Variants in HS2ST1 observed in about 807,000 individuals in gnomAD.
The protein encoded by HS2ST1 is 2-O-sulfotransferase.
HS2ST1 carries 18 observed loss-of-function variants against 42.9 expected under a neutral mutation model. That is an observed-to-expected ratio of 0.42 (90% CI 0.29 to 0.62). HS2ST1 has a LOEUF of 0.62. HS2ST1 is among the 20% of genes least tolerant of loss of function. The pLI is 0.21. For synonymous variants in HS2ST1, 146 were observed against 152.9 expected, an observed-to-expected ratio of 0.95 and a Z score of 0.33; for missense variants, 334 against 433.8, an observed-to-expected ratio of 0.77 and a Z score of 2.04.
chr1:87,068,301 C>A (rs1156697695), intron 1 of HS2ST1, among the ~76,000 whole-genome samples: 1 of 152,032 alleles, frequency 6.6e-6, no homozygotes, highest in Non-Finnish European at 1.5e-5. Context: ...AGCTGGATTC[C>A]TAGGTATTTT....
chr1:86,961,067 C>T lies in HS2ST1; in HGVS notation c.124+45907C>T, dbSNP rs139942093. 4.6e-5 allele frequency among the ~76,000 whole-genome samples: 7 copies of T among 151,716 alleles called. No homozygotes were observed. In the South Asian group the frequency reaches 1.0e-3, roughly 23 times the overall value. On this transcript the variant is annotated intron_variant, in intron 1 of 6. Coordinates refer to ENST00000370550, the MANE Select transcript of HS2ST1 (RefSeq NM_012262.4). ...ATAAACAAACTGTGGTACATCCAGA[C>T]GATGCAATATTATCTAGCCATAAAA... is the stretch of plus-strand genomic sequence containing the variant.
At chr1:87,073,332 C>T (rs1651463687) in intron 2 of HS2ST1, among the ~76,000 whole-genome samples, 160 bp downstream of exon 2, 2 of 152,158 alleles carry the variant, frequency 1.3e-5, no homozygotes, top group South Asian at 4.1e-4. Context: ...TATAATTTTA[C>T]TTGACAGTAT....
chr1:87,032,837 T>G (rs1443724729), intron 1 of HS2ST1, among the ~76,000 whole-genome samples: 2 of 152,292 alleles, frequency 1.3e-5, no homozygotes, highest in East Asian at 3.9e-4. Context: ...AATTAAAAGT[T>G]TTGAATAGGC....
chr1:86,951,251 G>C (rs1028085704), intron 1 of HS2ST1, among the ~76,000 whole-genome samples: 19 of 152,176 alleles, frequency 1.2e-4, no homozygotes, highest in African/African-American at 4.6e-4. Context: ...CTAGGCAACT[G>C]TAGGTAGACT....
chr1:86,939,228 C>T (rs1239124051), intron 1 of HS2ST1, among the ~76,000 whole-genome samples: 2 of 152,144 alleles, frequency 1.3e-5, no homozygotes, highest in African/African-American at 4.8e-5. Context: ...ACAAATGTTT[C>T]ATATCACACT....
At chr1:87,027,847 C>G (rs1650127651) in intron 1 of HS2ST1, among the ~76,000 whole-genome samples, 1 of 152,166 alleles carries the variant, frequency 6.6e-6, no homozygotes, top group African/African-American at 2.4e-5. Flanking sequence ...GGCCACCACA[C>G]CTGGCTGATT....
rs1648720087 is a variant in HS2ST1 at position 86,985,157 on chromosome 1, C to T, written c.124+69997C>T. Among the ~76,000 whole-genome samples, 4 of 150,306 alleles carry T rather than the reference C, an allele frequency of 2.7e-5. No homozygotes were observed. The Admixed American group carries it at 2.7e-4, about 10-fold the overall frequency. ...GATCACGAGGTCAGGAGATCGACAC[C>T]ATCCTGGCTAACACGGTGAAACCCC... On this transcript the variant is annotated intron_variant, in intron 1 of 6. Coordinates refer to ENST00000370550, the MANE Select transcript of HS2ST1 (RefSeq NM_012262.4).
In HS2ST1 at chr1:86,963,638, T is replaced by C. The variant is rs552763335; in HGVS notation, c.124+48478T>C. ...TTTCTATTCAACAAAACCGCCATCG[T>C]CATCATGGCCCGTTCTCAGTGAGCT... is the stretch of plus-strand genomic sequence containing the variant. On this transcript the variant is annotated intron_variant, in intron 1 of 6. Coordinates refer to ENST00000370550, the MANE Select transcript of HS2ST1 (RefSeq NM_012262.4). Among the ~76,000 whole-genome samples, 37 of 152,234 alleles carry C rather than the reference T, an allele frequency of 2.4e-4. No individual in the cohort carries two copies. In the East Asian group the frequency reaches 6.8e-3, roughly 28 times the overall value.
rs934206711 is a variant in HS2ST1 at position 86,921,340 on chromosome 1, A to G, written c.124+6180A>G. On this transcript the variant is annotated intron_variant, in intron 1 of 6. Coordinates refer to ENST00000370550, the MANE Select transcript of HS2ST1 (RefSeq NM_012262.4). ...GTATTTTGAAGTGCTGTGATTAAGT[A>G]TATGCACATTTAGGCTGTCATGTCT... 2.0e-5 allele frequency among the ~76,000 whole-genome samples: 3 copies of G among 152,282 alleles called. No homozygotes were observed. The East Asian group carries it at 5.8e-4, about 29-fold the overall frequency.
intron 5 of HS2ST1, chr1:87,098,302 C>T: frequency 7.0e-6 from 7 of 993,230 alleles, no homozygotes; most frequent in Non-Finnish European, 8.4e-6. Context: ...TAAGAAAAGG[C>T]TTAGTGGGTT....
intron 3 of HS2ST1, among the ~76,000 whole-genome samples, chr1:87,085,799 GCTTTTGCTTTTGGCAAAGT>G (rs1167338653): frequency 6.6e-6 from 1 of 152,174 alleles, no homozygotes; most frequent in Non-Finnish European, 1.5e-5. Context: ...TAAATTGAGT[GCTTTTGCTTTTGGCAAAGT>G]CTTATACTTA....
chr1:86,998,304 A>AG (rs1481839012), intron 1 of HS2ST1, among the ~76,000 whole-genome samples: 6 of 152,250 alleles, frequency 3.9e-5, no homozygotes, highest in Non-Finnish European at 8.8e-5. Flanking sequence ...AGGAACATAC[A>AG]GCATTCAGGA....
intron 1 of HS2ST1, among the ~76,000 whole-genome samples, chr1:86,972,969 A>G (rs1240036950): frequency 2.6e-5 from 4 of 152,182 alleles, no homozygotes; most frequent in African/African-American, 9.7e-5. Flanking sequence ...GGCCAGAGTT[A>G]TGCATATTTG....
At chr1:87,015,158 C>T (rs953058230) in intron 1 of HS2ST1, among the ~76,000 whole-genome samples, 1 of 152,088 alleles carries the variant, frequency 6.6e-6, no homozygotes, top group Non-Finnish European at 1.5e-5. Flanking sequence ...AAGTGATTCT[C>T]CTGCTTCAGC....
intron 1 of HS2ST1, among the ~76,000 whole-genome samples, chr1:87,022,432 G>A (rs1029577194): frequency 2.6e-5 from 4 of 152,176 alleles, no homozygotes; most frequent in African/African-American, 9.6e-5. Context: ...CACAGAGCTT[G>A]TGAGAAAAAT....
chr1:87,085,126 A>G (rs1275274904), intron 3 of HS2ST1, among the ~76,000 whole-genome samples: 1 of 152,228 alleles, frequency 6.6e-6, no homozygotes, highest in Non-Finnish European at 1.5e-5. Context: ...GGTAGTACAC[A>G]TAGTACCATT....
chr1:87,002,869 T>C (rs966625971), intron 1 of HS2ST1, among the ~76,000 whole-genome samples: 2 of 152,198 alleles, frequency 1.3e-5, no homozygotes, highest in Non-Finnish European at 2.9e-5. Context: ...AGAATGTAGA[T>C]ATGGAACAAT....
intron 1 of HS2ST1, among the ~76,000 whole-genome samples, chr1:86,952,303 T>A (rs1214900795): frequency 1.3e-5 from 2 of 151,874 alleles, no homozygotes; most frequent in Non-Finnish European, 2.9e-5. Context: ...TGTGGTGTGA[T>A]CTCGGCTCAC....
At chr1:86,984,333 A>G (rs1189132765) in intron 1 of HS2ST1, among the ~76,000 whole-genome samples, 1 of 152,206 alleles carries the variant, frequency 6.6e-6, no homozygotes, top group Non-Finnish European at 1.5e-5. Flanking sequence ...CTAGCTACAT[A>G]GTAATCTGAC....
Sources: gnomAD v4.1 joint callset for allele counts (sites outside exome capture counted in the v4.1 genomes callset) on GRCh38, gnomAD v4.1.1 for gene constraint, MANE v1.5 for transcripts, NCBI Gene and HGNC (gene_info 2026-07-23, HGNC 2026-07-21) for gene names.